The following LRP1B variants were observed in gnomAD, a reference collection of about 807,000 sequenced individuals.
The protein encoded by LRP1B is LDL receptor related protein 1B.
LRP1B carries 217 observed loss-of-function variants against 556.6 expected under a neutral mutation model. The ratio of observed to expected loss-of-function variants is 0.39; its 90% confidence interval spans 0.35 to 0.44. The LOEUF is 0.44. LRP1B is among the 20% of genes least tolerant of loss of function. The probability of loss-of-function intolerance (pLI) is 1.00; values close to 1 mark genes in which losing one functional copy is unlikely to be tolerated. For missense variants in LRP1B, 5,053 were observed against 5,620.8 expected (o/e 0.90, Z 3.23); for synonymous variants, 2,047 against 1,865.8 (o/e 1.10, Z -2.50).
chr2:141,780,707 T>C (rs1166091522), intron 2 of LRP1B, among the ~76,000 whole-genome samples: 1 of 152,196 alleles, frequency 6.6e-6, no homozygotes, highest in African/African-American at 2.4e-5. Flanking sequence ...TAGATGAACC[T>C]TATAATGCAA....
At chr2:142,035,950 G>T (rs1218606062) in intron 1 of LRP1B, among the ~76,000 whole-genome samples, 2 of 151,602 alleles carry the variant, frequency 1.3e-5, no homozygotes, top group Admixed American at 1.3e-4. Context: ...TTTATTACGG[G>T]TTTCCACTTT....
At chr2:141,275,030 A>C (rs1685231545) in intron 3 of LRP1B, among the ~76,000 whole-genome samples, 1 of 152,154 alleles carries the variant, frequency 6.6e-6, no homozygotes, top group Non-Finnish European at 1.5e-5. Flanking sequence ...AGTTGGAAAA[A>C]GGCGAATGAT....
chr2:141,847,901 A>G (rs1234763219), intron 1 of LRP1B, among the ~76,000 whole-genome samples: 4 of 151,608 alleles, frequency 2.6e-5, no homozygotes, highest in East Asian at 1.9e-4. Flanking sequence ...AATGACATCA[A>G]TGACAAATTG....
At chr2:140,473,332 CTT>C (rs1208748596) in intron 60 of LRP1B, among the ~76,000 whole-genome samples, 2 of 151,922 alleles carry the variant, frequency 1.3e-5, no homozygotes, top group Non-Finnish European at 2.9e-5. Context: ...CCATTTAAGT[CTT>C]GATGCATTTT....
chr2:141,756,017 T>G (rs557248129), intron 2 of LRP1B, among the ~76,000 whole-genome samples: 3 of 152,190 alleles, frequency 2.0e-5, no homozygotes, highest in Admixed American at 6.5e-5. Context: ...TAGACGTATA[T>G]GACATTTAAA....
intron 80 of LRP1B, among the ~76,000 whole-genome samples, chr2:140,324,936 C>A (rs1573793274): frequency 6.9e-6 from 1 of 144,670 alleles, no homozygotes. Context: ...TAGGCAAAGG[C>A]ACAATAAAAA....
intron 2 of LRP1B, among the ~76,000 whole-genome samples, chr2:141,528,826 A>C (rs182083163): frequency 2.2e-4 from 33 of 152,158 alleles, no homozygotes; most frequent in Admixed American, 2.0e-3. Context: ...TCAATTGTTT[A>C]TAGGGTAAGA....
intron 66 of LRP1B, among the ~76,000 whole-genome samples, chr2:140,389,608 C>T (rs1683919974): frequency 6.7e-6 from 1 of 149,614 alleles, no homozygotes; most frequent in South Asian, 2.1e-4. Flanking sequence ...TAAAACATTG[C>T]TGAGAAAAAT....
intron 43 of LRP1B, among the ~76,000 whole-genome samples, chr2:140,577,979 T>C (rs1327690619): frequency 6.6e-6 from 1 of 152,202 alleles, no homozygotes; most frequent in African/African-American, 2.4e-5. Context: ...TGATGTTCAA[T>C]AGTTTAATCA....
intron 15 of LRP1B, among the ~76,000 whole-genome samples, chr2:140,994,517 G>A (rs1034859180): frequency 5.9e-5 from 9 of 151,604 alleles, no homozygotes; most frequent in Admixed American, 5.3e-4. Context: ...AGATAGGTAG[G>A]ATGAATAAGT....
At chr2:141,795,857 A>AAAATAT (rs1491180183) in intron 2 of LRP1B, among the ~76,000 whole-genome samples, 3,167 of 51,156 alleles carry the variant, frequency 0.062, 325 homozygotes, top group African/African-American at 0.088. Flanking sequence ...AACCAGGAGC[A>AAAATAT]ATATATATAT....
At chr2:140,867,419 G>T (rs974138368) in intron 27 of LRP1B, among the ~76,000 whole-genome samples, 171 bp downstream of exon 27, 7 of 151,954 alleles carry the variant, frequency 4.6e-5, no homozygotes, top group Non-Finnish European at 1.0e-4. Context: ...AAGGGAAAGA[G>T]AAAAAAATTC....
At chr2:141,397,828 C>T (rs971577952) in intron 3 of LRP1B, among the ~76,000 whole-genome samples, 3 of 150,404 alleles carry the variant, frequency 2.0e-5, no homozygotes, top group Non-Finnish European at 3.0e-5. Flanking sequence ...TATATATTTA[C>T]ATTACATATG....
chr2:140,599,733 T>C (rs1212040821), intron 42 of LRP1B, among the ~76,000 whole-genome samples: 1 of 152,146 alleles, frequency 6.6e-6, no homozygotes, highest in Non-Finnish European at 1.5e-5. Context: ...TCCTAGATTG[T>C]AGGCTTTATA....
At chr2:141,422,439 T>C (rs771207484) in intron 3 of LRP1B, among the ~76,000 whole-genome samples, 1 of 152,224 alleles carries the variant, frequency 6.6e-6, no homozygotes, top group Non-Finnish European at 1.5e-5. Context: ...TTAAATCTAT[T>C]GTAGATTTAA....
At chr2:140,331,474 C>T (rs1423141495) in intron 79 of LRP1B, among the ~76,000 whole-genome samples, 1 of 151,778 alleles carries the variant, frequency 6.6e-6, no homozygotes, top group Non-Finnish European at 1.5e-5. Context: ...TACAATGGCT[C>T]AATATTGGCT....
chr2:141,395,780 A>G (rs1690219657), intron 3 of LRP1B, among the ~76,000 whole-genome samples: 1 of 152,200 alleles, frequency 6.6e-6, no homozygotes. Context: ...TACTGCATTC[A>G]AGAAGCACAA....
intron 7 of LRP1B, among the ~76,000 whole-genome samples, chr2:141,138,344 T>C (rs1157883997): frequency 1.3e-5 from 2 of 151,952 alleles, no homozygotes; most frequent in African/African-American, 2.4e-5. Flanking sequence ...GCTTTCCCAC[T>C]AAGAACAGGA....
At chr2:140,290,148 A>G (rs532977709) in intron 84 of LRP1B, among the ~76,000 whole-genome samples, 13 of 152,218 alleles carry the variant, frequency 8.5e-5, no homozygotes, top group Non-Finnish European at 1.3e-4. Context: ...GTAGATATTC[A>G]TGAATGATAT....
Sources: gnomAD v4.1 joint callset for allele counts (sites outside exome capture counted in the v4.1 genomes callset) on GRCh38, gnomAD v4.1.1 for gene constraint, MANE v1.5 for transcripts, NCBI Gene and HGNC (gene_info 2026-07-23, HGNC 2026-07-21) for gene names.